Variants in NXPH2 observed in about 807,000 individuals in gnomAD.
NXPH2 encodes neurexophilin 2.
A neutral mutation model predicts 19.8 loss-of-function variants in NXPH2; 5 were observed. That is an observed-to-expected ratio of 0.25 (90% confidence interval 0.13 to 0.53). The LOEUF (loss-of-function observed/expected upper bound fraction) is 0.53, where lower values mean the gene tolerates loss of function less well. NXPH2 is among the 20% of genes least tolerant of loss of function. NXPH2 has a pLI of 0.96. For synonymous variants in NXPH2, 154 were observed against 127.4 expected (o/e 1.21, Z -1.41); for missense variants, 289 against 322.8 (o/e 0.90, Z 0.80).
rs569044325 is a variant in NXPH2 at position 138,671,491 on chromosome 2, T to C, written c.226A>G (p.Ser76Gly). 25 of 1,613,984 alleles carry C rather than the reference T, an allele frequency of 1.5e-5. No homozygotes were observed. In the East Asian group the frequency reaches 4.9e-4, roughly 32 times the overall value. The change falls in exon 2 of 2, where the codon AGC becomes GGC. Residue 76 changes from serine (S) to glycine (G), a missense_variant. Transcript: ENST00000272641. ...AGCCAATCCCAAAAGTTTTCCATGCTGTCTGCGTACGCCATGGGGCCGGGC... is the reference window on the plus strand; with the variant it reads ...AGCCAATCCCAAAAGTTTTCCATGCCGTCTGCGTACGCCATGGGGCCGGGC... ...PKPGPMAYAD[S>G]MENFWDWLAN...
chr2:138,739,043 G>A (rs747811568), intron 1 of NXPH2, among the ~76,000 whole-genome samples: 3 of 152,108 alleles, frequency 2.0e-5, no homozygotes, highest in Non-Finnish European at 4.4e-5. Flanking sequence ...TAAATACAAC[G>A]AGTTAAAATC....
intron 1 of NXPH2, among the ~76,000 whole-genome samples, chr2:138,679,878 G>A (rs978454025): frequency 1.2e-4 from 18 of 152,140 alleles, no homozygotes; most frequent in African/African-American, 3.9e-4. Context: ...TGCAATCACA[G>A]GAATATTATT....
At chr2:138,760,220 A>G (rs1189076550) in intron 1 of NXPH2, among the ~76,000 whole-genome samples, 5 of 152,188 alleles carry the variant, frequency 3.3e-5, no homozygotes, top group Admixed American at 1.3e-4. Flanking sequence ...TGACAGAACA[A>G]TAAGATAAAT....
chr2:138,761,851 T>G (rs1682022911), intron 1 of NXPH2, among the ~76,000 whole-genome samples: 1 of 152,218 alleles, frequency 6.6e-6, no homozygotes, highest in Non-Finnish European at 1.5e-5. Flanking sequence ...CCATTTAAAG[T>G]ACTGATCAGT....
intron 1 of NXPH2, among the ~76,000 whole-genome samples, chr2:138,756,683 A>G (rs973743601): frequency 6.6e-6 from 1 of 152,164 alleles, no homozygotes; most frequent in Non-Finnish European, 1.5e-5. Flanking sequence ...ACAAAAGAAC[A>G]CTGATATAAT....
chr2:138,750,220 A>C (rs1333984445), intron 1 of NXPH2, among the ~76,000 whole-genome samples: 1 of 152,136 alleles, frequency 6.6e-6, no homozygotes, highest in South Asian at 2.1e-4. Flanking sequence ...TGCTTCTTTT[A>C]TAGCTCACCA....
chr2:138,741,461 T>A (rs975638736), intron 1 of NXPH2, among the ~76,000 whole-genome samples: 2 of 152,146 alleles, frequency 1.3e-5, no homozygotes, highest in African/African-American at 4.8e-5. Context: ...TCATCCTCCA[T>A]GTTTTCCCCC....
At chr2:138,703,531 C>T (rs533850458) in intron 1 of NXPH2, among the ~76,000 whole-genome samples, 3 of 152,252 alleles carry the variant, frequency 2.0e-5, no homozygotes, top group Admixed American at 6.5e-5. Context: ...ATCCAGCAAC[C>T]CAGTAGGCAT....
At chr2:138,693,030 C>T (rs1398139309) in intron 1 of NXPH2, among the ~76,000 whole-genome samples, 3 of 152,168 alleles carry the variant, frequency 2.0e-5, no homozygotes, top group African/African-American at 7.2e-5. Flanking sequence ...TAATGGATTT[C>T]TAACCTTTAA....
intron 1 of NXPH2, among the ~76,000 whole-genome samples, chr2:138,693,944 CT>C (rs1379827938): frequency 6.6e-6 from 1 of 152,154 alleles, no homozygotes; most frequent in African/African-American, 2.4e-5. Flanking sequence ...TAAAAATAGC[CT>C]TCATCTTGCT....
At chr2:138,747,490 A>G (rs1425339731) in intron 1 of NXPH2, among the ~76,000 whole-genome samples, 1 of 152,278 alleles carries the variant, frequency 6.6e-6, no homozygotes, top group African/African-American at 2.4e-5. Context: ...TTGGCCCCTG[A>G]TTGTGACCTG....
At chr2:138,774,815 G>C (rs1682235083) in intron 1 of NXPH2, among the ~76,000 whole-genome samples, 1 of 152,178 alleles carries the variant, frequency 6.6e-6, no homozygotes, top group South Asian at 2.1e-4. Context: ...GACTGATTCA[G>C]AAATAGACTC....
intron 1 of NXPH2, among the ~76,000 whole-genome samples, chr2:138,777,125 A>G (rs1682275325): frequency 6.6e-6 from 1 of 152,078 alleles, no homozygotes. Context: ...AAGGCAAAAA[A>G]TCACACTTAT....
intron 1 of NXPH2, among the ~76,000 whole-genome samples, chr2:138,736,777 T>C (rs1040785195): frequency 6.6e-6 from 1 of 152,216 alleles, no homozygotes; most frequent in African/African-American, 2.4e-5. Flanking sequence ...ACTGAATCCT[T>C]TAACAGCATC....
intron 1 of NXPH2, among the ~76,000 whole-genome samples, chr2:138,692,871 GTCTCGAAATC>G (rs1483744249): frequency 6.6e-6 from 1 of 152,130 alleles, no homozygotes; most frequent in Non-Finnish European, 1.5e-5. Context: ...CTTATACTCT[GTCTCGAAATC>G]TAAGCTCAGT....
At chr2:138,732,123 C>T (rs562822552) in intron 1 of NXPH2, among the ~76,000 whole-genome samples, 34 of 152,168 alleles carry the variant, frequency 2.2e-4, no homozygotes, top group Non-Finnish European at 4.1e-4. Context: ...TGATTTAAAT[C>T]CACAGTATGT....
intron 1 of NXPH2, among the ~76,000 whole-genome samples, chr2:138,702,106 C>G (rs138082003): frequency 6.6e-6 from 1 of 151,812 alleles, no homozygotes; most frequent in African/African-American, 2.4e-5. Context: ...TCCTCATTTT[C>G]TTCTTCCTTT....
intron 1 of NXPH2, among the ~76,000 whole-genome samples, chr2:138,687,843 G>A (rs1044680746): frequency 2.2e-4 from 34 of 152,266 alleles, no homozygotes; most frequent in African/African-American, 8.2e-4. Flanking sequence ...AAGATCAGAT[G>A]GTTGTAGATG....
chr2:138,704,036 C>T lies in NXPH2; in HGVS notation c.52-32371G>A, dbSNP rs78145798. On this transcript the variant is annotated intron_variant, in intron 1 of 1. Transcript: ENST00000272641. ...ATTTGAACGTATGTGAATTGCATTCCCTTGCCCATACCCGAATGTGAACCT... is the reference window on the plus strand; with the variant it reads ...ATTTGAACGTATGTGAATTGCATTCTCTTGCCCATACCCGAATGTGAACCT... 6.1e-3 allele frequency among the ~76,000 whole-genome samples: 929 copies of T among 152,262 alleles called. 5 individuals are homozygous for T. The highest frequency in any genetic ancestry group is 7.4e-3 in the Non-Finnish European group (502 of 68,030).
Sources: allele counts gnomAD v4.1 joint callset (sites outside exome capture counted in the v4.1 genomes callset), GRCh38; gene constraint gnomAD v4.1.1; transcripts MANE v1.5; gene names NCBI Gene and HGNC (gene_info 2026-07-23, HGNC 2026-07-21).